Variants in MTMR1 observed in about 807,000 individuals in gnomAD.
MTMR1 encodes the protein myotubularin related protein 1, also known as phosphatidylinositol-3-phosphate phosphatase MTMR1.
A neutral mutation model predicts 51.6 loss-of-function variants in MTMR1; 17 were observed. That is an observed-to-expected ratio of 0.33 (90% CI 0.23 to 0.49). MTMR1 has a LOEUF of 0.49. Among genes scored for constraint, MTMR1 ranks in the 20% least tolerant of loss-of-function variants. The pLI, the probability that MTMR1 is intolerant of heterozygous loss-of-function variation, is 0.99. For missense variants in MTMR1, 386 were observed against 526.9 expected (o/e 0.73, Z 2.62); for synonymous variants, 201 against 205.6 (o/e 0.98, Z 0.19).
intron 2 of MTMR1, 105 bp downstream of exon 2, chrX:150,699,405 A>T: frequency 2.1e-6 from 1 of 476,310 alleles, no homozygotes; most frequent in South Asian, 4.2e-5. Context: ...CAACATGGCC[A>T]TTTGCTCGAG....
chrX:150,755,626 G>GT, intron 14 of MTMR1, 63 bp from the exon 15 acceptor site: 1 of 891,006 alleles, frequency 1.1e-6, no homozygotes, highest in South Asian at 2.6e-5. Context: ...TTTTCTCGGT[G>GT]TAATACTAAT....
rs1569565722 is a variant in MTMR1, at chrX:150,737,407, G to T, written c.1432G>T (p.Val478Leu). 8.3e-7 allele frequency: 1 copy of T among 1,211,629 alleles called. No homozygotes were observed. Among genetic ancestry groups the T allele is most frequent in the Non-Finnish European group, 1.1e-6 (1 of 895,395 alleles). ...GACCATTAAAGGATTTGAAACTCTC[G>T]TAGAAAAGGAGTGGATAAGCTTTGG... is the stretch of plus-strand genomic sequence containing the variant. Reference protein sequence around the residue: ...YRTIKGFETLVEKEWISFGHR... With the variant: ...YRTIKGFETLLEKEWISFGHR... Residue 478 changes from valine (V) to leucine (L), a missense_variant, in exon 12 of 16, where the codon GTA becomes TTA. Physicochemically the swap from Val to Leu is conservative, Grantham distance 32 (BLOSUM62 1). Transcript: ENST00000445323.
intron 1 of MTMR1, among the ~76,000 whole-genome samples, chrX:150,697,892 G>T (rs2040736707): frequency 8.9e-6 from 1 of 111,864 alleles, no homozygotes; most frequent in Admixed American, 9.5e-5. Flanking sequence ...ATGTCCTGTT[G>T]AGGACAGCCA....
chrX:150,760,905 G>A (rs188569936), intron 15 of MTMR1, among the ~76,000 whole-genome samples: 2 of 102,221 alleles, frequency 2.0e-5, no homozygotes, highest in East Asian at 6.2e-4. Flanking sequence ...CCAGCCTGGG[G>A]GAGAGAGTGA....
Position 150,718,714 on chromosome X carries a change from G to A in MTMR1, c.352+14G>A, listed in dbSNP as rs377049802. On this transcript the variant is annotated intron_variant, in intron 4 of 15. Coordinates refer to ENST00000445323, the MANE Select transcript of MTMR1 (RefSeq NM_001306144.3). ...TTAAAGCCATTGGTAAGTTTAGTGTGTACACTTCGCTTTTTGAGATCCATA... is the reference window on the plus strand; with the variant it reads ...TTAAAGCCATTGGTAAGTTTAGTGTATACACTTCGCTTTTTGAGATCCATA... 14 of 1,130,648 alleles carry A rather than the reference G, an allele frequency of 1.2e-5. No homozygotes were observed. Among genetic ancestry groups the A allele is most frequent in the Non-Finnish European group, 1.6e-5 (14 of 851,992 alleles). 93.2% of individuals were successfully genotyped at this position (1,130,648 alleles called of 1,213,427 possible).
intron 3 of MTMR1, among the ~76,000 whole-genome samples, chrX:150,714,072 C>T (rs888181064): frequency 7.1e-5 from 8 of 112,443 alleles, no homozygotes; most frequent in Non-Finnish European, 1.3e-4. Flanking sequence ...TGTATTTTGG[C>T]TTGACTTTGC....
chrX:150,693,590 G>A lies in MTMR1; in HGVS notation c.60G>A (p.Pro20=), dbSNP rs1363035942. 290 of 757,878 alleles carry A rather than the reference G, an allele frequency of 3.8e-4. 1 individual carries two copies. The African/African-American group carries it at 5.3e-3, about 14-fold the overall frequency. 62.5% of individuals were successfully genotyped at this position (757,878 alleles called of 1,213,427 possible). Residue 20 remains proline, a synonymous_variant, in exon 1 of 16, where the codon CCG becomes CCA. Transcript: ENST00000445323. ...AGCEGGGGPN[P]GPAGGRRPPR... ...GCGAGGGCGGCGGGGGCCCGAACCC[G>A]GGGCCGGCGGGCGGCAGGAGGCCTC... is the stretch of plus-strand genomic sequence containing the variant.
intron 14 of MTMR1, among the ~76,000 whole-genome samples, chrX:150,754,836 C>A (rs2042855077): frequency 9.1e-6 from 1 of 110,202 alleles, no homozygotes; most frequent in Admixed American, 9.6e-5. Context: ...CCAGCCTGGG[C>A]AACACAGTGA....
chrX:150,720,436 C>A (rs1438165182), intron 4 of MTMR1, among the ~76,000 whole-genome samples: 2 of 112,026 alleles, frequency 1.8e-5, no homozygotes, highest in Non-Finnish European at 3.8e-5. Context: ...ATTTTGATAT[C>A]CATATTGTGG....
At chrX:150,712,984 A>C (rs1361837023) in intron 3 of MTMR1, 1 of 913,850 alleles carries the variant, frequency 1.1e-6, no homozygotes, top group Non-Finnish European at 1.4e-6. Flanking sequence ...ATGTGCATGC[A>C]TTTAACAGAC....
intron 9 of MTMR1, among the ~76,000 whole-genome samples, chrX:150,732,158 C>T (rs980878446): frequency 1.8e-4 from 20 of 111,695 alleles, no homozygotes; most frequent in Non-Finnish European, 3.4e-4. Flanking sequence ...TGTATATTCA[C>T]TTTGTCCTTA....
rs1260150142 is a variant in MTMR1, at chrX:150,764,902, G to GTAAT, written c.*2177_*2180dup. On this transcript the variant is annotated 3_prime_UTR_variant, in exon 16 of 16. Transcript: ENST00000445323. ...CTGTTGCACTGTATTTCAATCATCT[G>GTAAT]TAATTAAAATGATCATATGTTTGCT... 1.8e-5 allele frequency: 2 copies of GTAAT among 111,893 alleles called. No individual in the cohort carries two copies. The highest frequency in any genetic ancestry group is 6.5e-5 in the African/African-American group (2 of 30,714). The allele number at this position is 111,893 out of a possible 1,213,427, so 9.2% of individuals were successfully genotyped here. A position where few individuals can be genotyped will look rare whatever the true frequency, so the allele number is the denominator to read the frequency against.
chrX:150,717,674 A>C (rs963032518), intron 3 of MTMR1, among the ~76,000 whole-genome samples: 1 of 110,854 alleles, frequency 9.0e-6, no homozygotes, highest in African/African-American at 3.3e-5. Flanking sequence ...TAGTTCAAGA[A>C]CACCATTTTC....
chrX:150,727,375 G>A (rs1455093880), intron 5 of MTMR1, 66 bp downstream of exon 5: 3 of 944,402 alleles, frequency 3.2e-6, no homozygotes, highest in African/African-American at 3.9e-5. Context: ...AAAGAAGAAA[G>A]TAAAAAGTCC....
chrX:150,756,423 C>T (rs782377226), intron 15 of MTMR1, among the ~76,000 whole-genome samples: 1 of 111,837 alleles, frequency 8.9e-6, no homozygotes, highest in South Asian at 3.7e-4. Context: ...GGGGCCAGTC[C>T]GCCAAGCCTG....
At position 150,742,622 on chromosome X, in the gene MTMR1, T is replaced by C. The variant is rs566793596; in HGVS notation, c.1474-1739T>C. Among the ~76,000 whole-genome samples, 12 of 109,364 alleles carry C rather than the reference T, an allele frequency of 1.1e-4. No individual in the cohort carries two copies. The South Asian group carries it at 4.7e-3, about 43-fold the overall frequency. The allele number at this position is 109,364 out of a possible 115,157, so 95.0% of individuals were successfully genotyped here. A position where few individuals can be genotyped will look rare whatever the true frequency, so the allele number is the denominator to read the frequency against. ...ACGAGGTCAGGAGATCGAGACCATC[T>C]TGGCTAACACGGTGAAACCCCGTCT... On this transcript the variant is annotated intron_variant, in intron 12 of 15. Transcript: ENST00000445323.
At chrX:150,753,246 A>G (rs2042804433) in intron 14 of MTMR1, among the ~76,000 whole-genome samples, 1 of 112,419 alleles carries the variant, frequency 8.9e-6, no homozygotes. Flanking sequence ...GTTGATAGAA[A>G]TTTGGATTGT....
chrX:150,743,367 C>A (rs1557417371), intron 12 of MTMR1, among the ~76,000 whole-genome samples: 1 of 111,552 alleles, frequency 9.0e-6, no homozygotes, highest in African/African-American at 3.3e-5. Flanking sequence ...TGTCACTGCA[C>A]TCCAGCCTGG....
intron 2 of MTMR1, among the ~76,000 whole-genome samples, chrX:150,703,619 A>C (rs2040994619): frequency 8.9e-6 from 1 of 112,420 alleles, no homozygotes; most frequent in Admixed American, 9.4e-5. Flanking sequence ...GGGAAGTCGA[A>C]GGCAGAGTAT....
Sources: gnomAD v4.1 joint callset for allele counts (sites outside exome capture counted in the v4.1 genomes callset) on GRCh38, gnomAD v4.1.1 for gene constraint, MANE v1.5 for transcripts, NCBI Gene and HGNC (gene_info 2026-07-23, HGNC 2026-07-21) for gene names.